The following PLA2G4C variants were observed in gnomAD, a reference collection of about 807,000 sequenced individuals.
The protein encoded by PLA2G4C is phospholipase A2 group IVC.
Under a neutral mutation model 73.8 loss-of-function variants are expected in PLA2G4C, and 64 were observed. The observed-to-expected ratio is 0.87, with a 90% confidence interval of 0.71 to 1.07. The LOEUF is 1.07. PLA2G4C is among the 50% of genes least tolerant of loss of function. The probability of loss-of-function intolerance (pLI) is 0.00; values close to 1 mark genes in which losing one functional copy is unlikely to be tolerated. For missense variants in PLA2G4C, 622 were observed against 665.4 expected (o/e 0.93, Z 0.72); for synonymous variants, 254 against 252.1 (o/e 1.01, Z -0.07).
rs2031837828 is a variant in PLA2G4C, at chr19:48,100,464, G to T, written c.258-604C>A. ...TACTAAAAACACAAAAATTAGCCAG[G>T]CATGGTGGCACACGCCTGTGGTCCC... On this transcript the variant is annotated intron_variant, in intron 4 of 16. Transcript: ENST00000599921. Among the ~76,000 whole-genome samples the T allele has an allele frequency of 2.6e-5, 4 of 151,958 alleles. No individual in the cohort carries two copies. The South Asian group carries it at 8.3e-4, about 32-fold the overall frequency.
intron 6 of PLA2G4C, among the ~76,000 whole-genome samples, chr19:48,096,235 G>A (rs184786779): frequency 1.6e-3 from 250 of 152,308 alleles, no homozygotes; most frequent in Non-Finnish European, 2.9e-3. Flanking sequence ...GACGGAGTCA[G>A]CTGTATCTGC....
At chr19:48,083,519 C>T (rs2030777468) in intron 10 of PLA2G4C, among the ~76,000 whole-genome samples, 1 of 146,578 alleles carries the variant, frequency 6.8e-6, no homozygotes, top group African/African-American at 2.5e-5. Context: ...GTGATCTCAG[C>T]TCACTGCAAC....
chr19:48,065,544 T>C (rs1208899961), intron 13 of PLA2G4C, among the ~76,000 whole-genome samples: 1 of 151,650 alleles, frequency 6.6e-6, no homozygotes, highest in African/African-American at 2.4e-5. Flanking sequence ...GAGCCAAGAT[T>C]GTACCACTGT....
intron 13 of PLA2G4C, among the ~76,000 whole-genome samples, chr19:48,067,014 A>T (rs946690140): frequency 7.3e-5 from 11 of 151,400 alleles, no homozygotes; most frequent in African/African-American, 2.7e-4. Context: ...TGGTGCAGGG[A>T]TTGGCATGGT....
Position 48,098,223 on chromosome 19 carries a change from C to T in PLA2G4C, c.484G>A (p.Val162Met), listed in dbSNP as rs189489992. 27 of 1,613,550 alleles carry T rather than the reference C, an allele frequency of 1.7e-5. No individual in the cohort carries two copies. Among genetic ancestry groups the T allele is most frequent in the Admixed American group, 6.7e-5 (4 of 59,954 alleles). ...ESHLSNMKKP[V>M]EEGTLPYPIF... ...GGGTAGGGTAGTGTCCCTTCTTCCA[C>T]GGGCTTCTTCATATTGGACAAATGA... Residue 162 changes from valine (V) to methionine (M), a missense_variant, in exon 6 of 17, where the codon GTG (valine) becomes ATG (methionine). Val to Met is a conservative substitution (Grantham distance 21). Coordinates refer to ENST00000599921, the MANE Select transcript of PLA2G4C (RefSeq NM_003706.3).
chr19:48,093,208 C>G (rs565422815), intron 7 of PLA2G4C, among the ~76,000 whole-genome samples: 15 of 152,170 alleles, frequency 9.9e-5, no homozygotes, highest in African/African-American at 3.4e-4. Context: ...TGTTCTCCTC[C>G]CCTGAGAACA....
intron 10 of PLA2G4C, among the ~76,000 whole-genome samples, chr19:48,083,218 G>A (rs1225616684): frequency 6.6e-6 from 1 of 152,044 alleles, no homozygotes; most frequent in Non-Finnish European, 1.5e-5. Flanking sequence ...TTACATACAT[G>A]AGGTCATTTA....
At chr19:48,101,119 TATATATA>T (rs1208720988) in intron 4 of PLA2G4C, among the ~76,000 whole-genome samples, 84 of 70,756 alleles carry the variant, frequency 1.2e-3, no homozygotes, top group African/African-American at 7.3e-3. Flanking sequence ...TATATATATA[TATATATA>T]TTTTTTTTTT....
chr19:48,083,426 T>TTTTTTC (rs200358931), intron 10 of PLA2G4C, among the ~76,000 whole-genome samples: 1 of 146,452 alleles, frequency 6.8e-6, no homozygotes, highest in Non-Finnish European at 1.5e-5. Context: ...TTCATTTCTT[T>TTTTTTC]TTTTTCTTTT....
chr19:48,098,166 G>A lies in PLA2G4C; in HGVS notation c.541C>T (p.Pro181Ser), dbSNP rs746846127. ...GGTGCTCTTGCCTCCTGCCAGGAAG[G>A]TTGCAGGTCATTGTCAATGGCTGCA... ...IFAAIDNDLQ[P>S]SWQEARAPET... Residue 181 changes from proline (P) to serine (S), a missense_variant, in exon 6 of 17, where the codon CCT becomes TCT. Physicochemically the swap from Pro to Ser is moderately conservative, Grantham distance 74. Coordinates refer to ENST00000599921, the MANE Select transcript of PLA2G4C (RefSeq NM_003706.3). The A allele has an allele frequency of 6.2e-7, 1 of 1,613,740 alleles. No homozygotes were observed. Among genetic ancestry groups the A allele is most frequent in the Non-Finnish European group, 8.5e-7 (1 of 1,179,850 alleles).
chr19:48,083,138 C>A (rs2030715982), intron 10 of PLA2G4C, among the ~76,000 whole-genome samples: 1 of 151,798 alleles, frequency 6.6e-6, no homozygotes, highest in Non-Finnish European at 1.5e-5. Flanking sequence ...TCTAACAATA[C>A]AAGACATAAT....
At chr19:48,095,318 ACCATTC>A in intron 7 of PLA2G4C, 140 bp downstream of exon 7, 1 of 726,570 alleles carries the variant, frequency 1.4e-6, no homozygotes, top group South Asian at 1.7e-5. Flanking sequence ...GAAGGAATAC[ACCATTC>A]CTCTTTCTGG....
chr19:48,101,126 A>ATATTTTTTTTTT (rs1491313107), intron 4 of PLA2G4C, among the ~76,000 whole-genome samples: 3 of 74,154 alleles, frequency 4.0e-5, no homozygotes, highest in African/African-American at 1.9e-4. Flanking sequence ...ATATATATAT[A>ATATTTTTTTTTT]TTTTTTTTTT....
At chr19:48,066,086 T>C (rs1219379927) in intron 13 of PLA2G4C, among the ~76,000 whole-genome samples, 1 of 136,244 alleles carries the variant, frequency 7.3e-6, no homozygotes, top group African/African-American at 2.9e-5. Context: ...AAACTCCATC[T>C]CAAAAAAAAA....
At position 48,069,926 on chromosome 19, in the gene PLA2G4C, G is replaced by A. The variant is rs531918054; in HGVS notation, c.1007-2040C>T. 4.7e-4 allele frequency among the ~76,000 whole-genome samples: 72 copies of A among 152,132 alleles called. No homozygotes were observed. In the South Asian group the frequency reaches 0.015, roughly 31 times the overall value. ...ACCACAGGCACCCACCACTACGCCC[G>A]GCTAAATATTTTTTTGTATTTGTAG... On this transcript the variant is annotated intron_variant, in intron 12 of 16. Transcript: ENST00000599921.
At chr19:48,094,406 A>G (rs2031465992) in intron 7 of PLA2G4C, among the ~76,000 whole-genome samples, 1 of 152,180 alleles carries the variant, frequency 6.6e-6, no homozygotes, top group African/African-American at 2.4e-5. Context: ...TGCATTTAAA[A>G]TAGTATCAGG....
At chr19:48,101,338 T>G (rs1460043992) in intron 4 of PLA2G4C, among the ~76,000 whole-genome samples, 1 of 151,310 alleles carries the variant, frequency 6.6e-6, no homozygotes, top group Non-Finnish European at 1.5e-5. Context: ...TCTCACTATG[T>G]TGCCCACGCT....
At chr19:48,091,589 C>T (rs2031299718) in intron 7 of PLA2G4C, among the ~76,000 whole-genome samples, 1 of 151,972 alleles carries the variant, frequency 6.6e-6, no homozygotes, top group African/African-American at 2.4e-5. Flanking sequence ...TACAGGGAGA[C>T]ATAAAAAATG....
At chr19:48,083,444 C>CTTT (rs368299643) in intron 10 of PLA2G4C, among the ~76,000 whole-genome samples, 1 of 34,884 alleles carries the variant, frequency 2.9e-5, no homozygotes, top group Non-Finnish European at 7.1e-5. Flanking sequence ...TTTTCTTTTT[C>CTTT]TTTTTTCTTT....
Sources: allele counts gnomAD v4.1 joint callset (sites outside exome capture counted in the v4.1 genomes callset), GRCh38; gene constraint gnomAD v4.1.1; transcripts MANE v1.5; gene names NCBI Gene and HGNC (gene_info 2026-07-23, HGNC 2026-07-21).